The following HTR2A variants were observed in gnomAD, a reference collection of about 807,000 sequenced individuals.
HTR2A encodes 5-hydroxytryptamine receptor 2A, also known as 5-HT2 receptor.
In HTR2A, 14 loss-of-function variants were observed where a neutral mutation model predicts 31.0. That is an observed-to-expected ratio of 0.45 (90% CI 0.30 to 0.71). The LOEUF (loss-of-function observed/expected upper bound fraction) is 0.71. HTR2A is among the 30% of genes least tolerant of loss of function. The probability of loss-of-function intolerance (pLI) is 0.09; values close to 1 mark genes in which losing one functional copy is unlikely to be tolerated. For missense variants in HTR2A, 442 were observed against 573.3 expected (o/e 0.77, Z 2.34); for synonymous variants, 209 against 225.2 (o/e 0.93, Z 0.64).
At chr13:46,847,723 T>A (rs1950653719) in intron 3 of HTR2A, among the ~76,000 whole-genome samples, 2 of 152,186 alleles carry the variant, frequency 1.3e-5, no homozygotes, top group Non-Finnish European at 2.9e-5. Context: ...ACACTATTTG[T>A]ACCACGAGGC....
chr13:46,846,501 T>C (rs898988220), intron 3 of HTR2A, among the ~76,000 whole-genome samples: 5 of 152,204 alleles, frequency 3.3e-5, no homozygotes, highest in Admixed American at 2.0e-4. Context: ...ACTTTGCACA[T>C]AGGTCTCTGT....
At chr13:46,868,770 C>A (rs567145776) in intron 3 of HTR2A, among the ~76,000 whole-genome samples, 4 of 152,048 alleles carry the variant, frequency 2.6e-5, no homozygotes, top group African/African-American at 7.2e-5. Flanking sequence ...TCTATATTCA[C>A]CAGCTGCTTA....
chr13:46,855,452 G>A (rs945844092), intron 3 of HTR2A, among the ~76,000 whole-genome samples: 17 of 152,184 alleles, frequency 1.1e-4, no homozygotes, highest in African/African-American at 4.1e-4. Context: ...AATCTCACTG[G>A]GTAGCTGTCT....
At chr13:46,868,140 A>G (rs1950833266) in intron 3 of HTR2A, among the ~76,000 whole-genome samples, 1 of 152,194 alleles carries the variant, frequency 6.6e-6, no homozygotes, top group Non-Finnish European at 1.5e-5. Context: ...ATCTTTCTGA[A>G]GCGATAGGAA....
At chr13:46,859,990 C>T (rs1392099351) in intron 3 of HTR2A, among the ~76,000 whole-genome samples, 20 of 152,110 alleles carry the variant, frequency 1.3e-4, no homozygotes, top group Non-Finnish European at 1.0e-4. Flanking sequence ...ATTTTTATGG[C>T]CATGTCGGTT....
intron 3 of HTR2A, among the ~76,000 whole-genome samples, chr13:46,863,657 A>AAAAAAAAAAAACAG: frequency 8.5e-6 from 1 of 118,254 alleles, no homozygotes; most frequent in Non-Finnish European, 1.7e-5. Context: ...AAAGAAAAAA[A>AAAAAAAAAAAACAG]AAAAAGACAG....
At chr13:46,856,607 T>A (rs1950739914) in intron 3 of HTR2A, among the ~76,000 whole-genome samples, 1 of 150,552 alleles carries the variant, frequency 6.6e-6, no homozygotes, top group Admixed American at 6.6e-5. Context: ...AAAAAAAAAA[T>A]ACAAAAAAAC....
chr13:46,876,574 T>C (rs1323007632), intron 3 of HTR2A, among the ~76,000 whole-genome samples: 1 of 151,332 alleles, frequency 6.6e-6, no homozygotes, highest in Non-Finnish European at 1.5e-5. Flanking sequence ...CACGCCCTAC[T>C]AATTTTCTTT....
intron 3 of HTR2A, among the ~76,000 whole-genome samples, chr13:46,849,100 C>T (rs141280238): frequency 9.0e-4 from 137 of 152,272 alleles, no homozygotes; most frequent in Non-Finnish European, 1.5e-3. Context: ...GGGTTGCACT[C>T]GCTCACCCCC....
At chr13:46,881,926 G>T (rs1950967603) in intron 3 of HTR2A, among the ~76,000 whole-genome samples, 1 of 152,086 alleles carries the variant, frequency 6.6e-6, no homozygotes, top group African/African-American at 2.4e-5. Flanking sequence ...GGTATCATAG[G>T]AAAATATATT....
In HTR2A at chr13:46,835,624, A is replaced by G. The variant is rs1239567673; in HGVS notation, c.629T>C (p.Ile210Thr). 1 of 1,611,748 alleles carries G rather than the reference A, an allele frequency of 6.2e-7. No individual in the cohort carries two copies. Among genetic ancestry groups the G allele is most frequent in the African/African-American group, 1.3e-5 (1 of 74,774 alleles). The change falls in exon 4 of 4, where the codon ATA becomes ACA. Residue 210 changes from isoleucine to threonine, a missense_variant. Physicochemically the swap from Ile to Thr is moderately conservative, Grantham distance 89 (BLOSUM62 -1). Coordinates refer to ENST00000542664, the MANE Select transcript of HTR2A (RefSeq NM_000621.5). ...ATCGTCCTGTAGCCCAAAGACTGGT[A>G]TTGGCATGGATATACCTGGAGTTGA... ...WTISVGISMPIPVFGLQDDSK... is the reference protein window; with the variant it reads ...WTISVGISMPTPVFGLQDDSK...
chr13:46,876,404 ATT>A lies in HTR2A; in HGVS notation c.613+15984_613+15985del, dbSNP rs1156826300. On this transcript the variant is annotated intron_variant, in intron 3 of 3. Transcript: ENST00000542664. ...TTGATTCATATATATATATATATAT[ATT>A]TTTTTTTTTTTTTTTTTTTTTGAGA... Among the ~76,000 whole-genome samples the A allele has an allele frequency of 3.5e-3, 250 of 71,242 alleles. 1 individual carries two copies. The highest frequency in any genetic ancestry group is 0.03 in the Admixed American group (152 of 5,112). The allele number at this position is 71,242 out of a possible 152,430, so 46.7% of individuals were successfully genotyped here.
chr13:46,845,282 G>T (rs1449697946), intron 3 of HTR2A, among the ~76,000 whole-genome samples: 1 of 152,170 alleles, frequency 6.6e-6, no homozygotes, highest in Non-Finnish European at 1.5e-5. Context: ...GAAAGGCACA[G>T]GAGCTGAGCT....
At chr13:46,863,650 G>GAAAAAA (rs1186874509) in intron 3 of HTR2A, among the ~76,000 whole-genome samples, 1 of 51,896 alleles carries the variant, frequency 1.9e-5, no homozygotes, top group African/African-American at 7.4e-5. Context: ...AAAAAAAAAA[G>GAAAAAA]AAAAAAAAAA....
intron 3 of HTR2A, among the ~76,000 whole-genome samples, chr13:46,842,668 AT>A (rs1950607893): frequency 6.6e-6 from 1 of 152,182 alleles, no homozygotes; most frequent in South Asian, 2.1e-4. Context: ...TGATTTTAAC[AT>A]AATTATTCAA....
At chr13:46,863,746 T>C (rs559860945) in intron 3 of HTR2A, among the ~76,000 whole-genome samples, 1 of 150,632 alleles carries the variant, frequency 6.6e-6, no homozygotes, top group African/African-American at 2.4e-5. Flanking sequence ...CCAGTCAGAA[T>C]GGTGATTATT....
Position 46,865,533 on chromosome 13 carries a change from T to C in HTR2A, c.613+26857A>G, listed in dbSNP as rs138818215. Reference sequence around the variant, plus strand: ...AGGTGAAGATGCTGACCTAAACCAGTCCTGGGTCACCTGGACTGTACTTGG... The same window carrying C: ...AGGTGAAGATGCTGACCTAAACCAGCCCTGGGTCACCTGGACTGTACTTGG... On this transcript the variant is annotated intron_variant, in intron 3 of 3. Coordinates refer to ENST00000542664, the MANE Select transcript of HTR2A (RefSeq NM_000621.5). Among the ~76,000 whole-genome samples, 467 of 152,256 alleles carry C rather than the reference T, an allele frequency of 3.1e-3. 1 individual carries two copies. The highest frequency in any genetic ancestry group is 4.7e-3 in the Non-Finnish European group (322 of 68,012).
intron 3 of HTR2A, among the ~76,000 whole-genome samples, chr13:46,863,290 G>T (rs142963721): frequency 1.7e-3 from 259 of 152,228 alleles, no homozygotes; most frequent in Admixed American, 5.0e-3. Flanking sequence ...AAGGGAATAA[G>T]AACAAAAGTT....
chr13:46,856,224 A>T (rs778306912), intron 3 of HTR2A: 3 of 152,206 alleles, frequency 2.0e-5, no homozygotes, highest in Non-Finnish European at 4.4e-5. Context: ...AAGCAAAACA[A>T]TCCCTCGTAG....
Sources: allele counts gnomAD v4.1 joint callset (sites outside exome capture counted in the v4.1 genomes callset), GRCh38; gene constraint gnomAD v4.1.1; transcripts MANE v1.5; gene names NCBI Gene and HGNC (gene_info 2026-07-23, HGNC 2026-07-21).